Variants in COL6A5 observed in about 807,000 individuals in gnomAD.
COL6A5 encodes the protein collagen type VI alpha 5 chain.
In COL6A5, 48 loss-of-function variants were observed where a neutral mutation model predicts 65.6. The observed-to-expected ratio is 0.73, with a 90% CI of 0.58 to 0.93. The LOEUF (loss-of-function observed/expected upper bound fraction) is 0.93. COL6A5 is among the 40% of genes least tolerant of loss of function. The pLI, the probability that COL6A5 is intolerant of heterozygous loss-of-function variation, is 0.00. For synonymous variants in COL6A5, 291 were observed against 322.8 expected, an observed-to-expected ratio of 0.90 and a Z score of 1.05; for missense variants, 914 against 928.3, an observed-to-expected ratio of 0.98 and a Z score of 0.20.
At chr3:130,403,947 G>A (rs982937299) in intron 13 of COL6A5, among the ~76,000 whole-genome samples, 1 of 152,068 alleles carries the variant, frequency 6.6e-6, no homozygotes, top group African/African-American at 2.4e-5. Flanking sequence ...GGGTAAGGAG[G>A]GAACAGGCTT....
rs1285431350 is a variant in COL6A5 at position 130,436,648 on chromosome 3, T to C, written c.488-2874T>C. ...CAGCTCCCTGGACTTATTTGCAGTA[T>C]ACAACATTGTTGATCTTGCCTTTCT... On this transcript the variant is annotated intron_variant, in intron 1 of 7. Transcript: ENST00000512836. 2.6e-5 allele frequency among the ~76,000 whole-genome samples: 4 copies of C among 151,926 alleles called. No individual in the cohort carries two copies. The East Asian group carries it at 7.7e-4, about 29-fold the overall frequency.
intron 18 of COL6A5, 88 bp from the exon 19 acceptor site, chr3:130,409,921 A>G: frequency 2.2e-6 from 2 of 896,332 alleles, no homozygotes; most frequent in Non-Finnish European, 3.5e-6. Context: ...GCTTGACCCA[A>G]ATTAGCTTAG....
At chr3:130,357,153 A>G (rs1934952881) in intron 1 of COL6A5, among the ~76,000 whole-genome samples, 1 of 152,232 alleles carries the variant, frequency 6.6e-6, no homozygotes, top group African/African-American at 2.4e-5. Flanking sequence ...GAAATTAGAC[A>G]TAACCCTAGA....
chr3:130,441,277 A>T (rs1411792303), intron 3 of COL6A5, among the ~76,000 whole-genome samples: 1 of 152,162 alleles, frequency 6.6e-6, no homozygotes, highest in African/African-American at 2.4e-5. Flanking sequence ...GTTAAAATGC[A>T]GGATATTCTT....
At chr3:130,358,051 T>C (rs1459192224) in intron 1 of COL6A5, among the ~76,000 whole-genome samples, 3 of 151,546 alleles carry the variant, frequency 2.0e-5, no homozygotes, top group Non-Finnish European at 4.4e-5. Context: ...TAGCCGGGCG[T>C]GGTGGCGGGC....
intron 5 of COL6A5, among the ~76,000 whole-genome samples, chr3:130,468,324 A>G (rs1709864626): frequency 6.6e-6 from 1 of 152,028 alleles, no homozygotes; most frequent in African/African-American, 2.4e-5. Flanking sequence ...ACATTGCTCT[A>G]TGGTGCATAC....
intron 25 of COL6A5, 116 bp from the exon 26 acceptor site, chr3:130,421,037 G>A: frequency 1.2e-6 from 1 of 855,932 alleles, no homozygotes; most frequent in Non-Finnish European, 1.8e-6. Context: ...CACCAATTAG[G>A]CCCCTTCTGC....
exon 1 of COL6A5, chr3:130,345,930 GT>G (rs1934452797): frequency 2.5e-6 from 1 of 398,530 alleles, no homozygotes; most frequent in South Asian, 1.3e-4. Flanking sequence ...CTTCTGGAGA[GT>G]TGGGGGCGGT....
chr3:130,451,876 G>C (rs1298526628), intron 4 of COL6A5, among the ~76,000 whole-genome samples: 1 of 152,094 alleles, frequency 6.6e-6, no homozygotes, highest in African/African-American at 2.4e-5. Flanking sequence ...TCATGGGATT[G>C]GTATGTCATT....
At chr3:130,452,637 G>T (rs2107596207) in intron 4 of COL6A5, among the ~76,000 whole-genome samples, 1 of 152,272 alleles carries the variant, frequency 6.6e-6, no homozygotes, top group East Asian at 1.9e-4. Flanking sequence ...AGGACCACAG[G>T]ACTGGGGCGA....
intron 9 of COL6A5, 26 bp downstream of exon 9, chr3:130,397,949 A>G: frequency 6.5e-7 from 1 of 1,545,736 alleles, no homozygotes; most frequent in Non-Finnish European, 8.8e-7. Flanking sequence ...TCTATCTCCC[A>G]TCTCCACATT....
chr3:130,368,472 G>A (rs1935423365), intron 1 of COL6A5, among the ~76,000 whole-genome samples: 1 of 152,116 alleles, frequency 6.6e-6, no homozygotes, highest in African/African-American at 2.4e-5. Context: ...GACAAGGAAC[G>A]AAGAGTCCAG....
exon 3 of COL6A5, chr3:130,376,652 G>A: frequency 6.2e-7 from 1 of 1,613,082 alleles, no homozygotes. Flanking sequence ...AGAAAGACGG[G>A]GTGAAAATTA....
At chr3:130,376,882 C>A in intron 3 of COL6A5, 46 bp downstream of exon 3, 2 of 1,529,854 alleles carry the variant, frequency 1.3e-6, no homozygotes, top group South Asian at 1.3e-5. Flanking sequence ...CCAGGTGGGT[C>A]TACATCTGTC....
At chr3:130,458,605 G>A (rs1161715559) in intron 5 of COL6A5, among the ~76,000 whole-genome samples, 1 of 152,148 alleles carries the variant, frequency 6.6e-6, no homozygotes, top group Non-Finnish European at 1.5e-5. Flanking sequence ...TGGTGTGCCA[G>A]ATTTAATCTG....
At chr3:130,480,768 T>C (rs1377340497) in intron 7 of COL6A5, among the ~76,000 whole-genome samples, 1 of 151,254 alleles carries the variant, frequency 6.6e-6, no homozygotes, top group African/African-American at 2.5e-5. Context: ...ACAACTAGGC[T>C]GGAACCTCTC....
intron 4 of COL6A5, among the ~76,000 whole-genome samples, chr3:130,380,856 A>G (rs1309805984): frequency 1.3e-5 from 2 of 152,254 alleles, no homozygotes; most frequent in East Asian, 3.9e-4. Flanking sequence ...TCTGTTTCAC[A>G]AATAAGTCCA....
chr3:130,462,600 T>TA (rs1365955512), intron 5 of COL6A5, among the ~76,000 whole-genome samples: 2 of 152,106 alleles, frequency 1.3e-5, no homozygotes, highest in Non-Finnish European at 2.9e-5. Context: ...ATATTTAAGA[T>TA]AATGAAATTG....
At chr3:130,458,756 T>G (rs1031711084) in intron 5 of COL6A5, among the ~76,000 whole-genome samples, 2 of 152,114 alleles carry the variant, frequency 1.3e-5, no homozygotes, top group South Asian at 2.1e-4. Context: ...CCAACATCTA[T>G]CTGACAAAAC....
Sources: gnomAD v4.1 joint callset for allele counts (sites outside exome capture counted in the v4.1 genomes callset) on GRCh38, gnomAD v4.1.1 for gene constraint, MANE v1.5 for transcripts, NCBI Gene and HGNC (gene_info 2026-07-23, HGNC 2026-07-21) for gene names.